Variants in EMC1 observed in about 807,000 individuals in gnomAD.
The protein encoded by EMC1 is KIAA0090.
Under a neutral mutation model 128.8 loss-of-function variants are expected in EMC1, and 103 were observed. That is an observed-to-expected ratio of 0.80 (90% confidence interval 0.68 to 0.94). The LOEUF (loss-of-function observed/expected upper bound fraction) is 0.94, where lower values mean the gene tolerates loss of function less well. Ranked by LOEUF, EMC1 falls within the 40% of genes least tolerant of loss-of-function variation. The pLI, the probability that EMC1 is intolerant of heterozygous loss-of-function variation, is 0.00. For synonymous variants in EMC1, 442 were observed against 490.4 expected (o/e 0.90, Z 1.30); for missense variants, 1,083 against 1,250.6 (o/e 0.87, Z 2.02).
chr1:19,239,186 C>A, intron 9 of EMC1, 45 bp downstream of exon 9: 1 of 1,534,478 alleles, frequency 6.5e-7, no homozygotes, highest in Non-Finnish European at 9.0e-7. Flanking sequence ...TAGTGGAGAC[C>A]AGGAAGGAAA....
intron 18 of EMC1, among the ~76,000 whole-genome samples, chr1:19,226,160 TTAC>T (rs1486259009): frequency 1.3e-5 from 2 of 152,222 alleles, no homozygotes; most frequent in East Asian, 1.9e-4. Flanking sequence ...TTAATGTGCA[TTAC>T]TACTATCATT....
intron 16 of EMC1, 29 bp downstream of exon 16, chr1:19,231,232 A>G: frequency 6.4e-7 from 1 of 1,572,608 alleles, no homozygotes; most frequent in Non-Finnish European, 8.6e-7. Context: ...CTCCGCTAGC[A>G]TGTTCTCCAT....
rs2093403800 is a variant in EMC1, at chr1:19,217,609, G to C, written c.*1694C>G. The C allele has an allele frequency of 6.6e-6, 1 of 152,048 alleles. No individual in the cohort carries two copies. The highest frequency in any genetic ancestry group is 2.4e-5 in the African/African-American group (1 of 41,394). 9.4% of individuals were successfully genotyped at this position (152,048 alleles called of 1,614,324 possible). On this transcript the variant is annotated 3_prime_UTR_variant, in exon 23 of 23. Coordinates refer to ENST00000477853, the MANE Select transcript of EMC1 (RefSeq NM_015047.3). ...AGGACAAATACCTTCCCTCCCAGTAGCTTGTTTCAGATTCTGGCACACTGG... is the reference window on the plus strand; with the variant it reads ...AGGACAAATACCTTCCCTCCCAGTACCTTGTTTCAGATTCTGGCACACTGG...
At chr1:19,247,609 T>C (rs2093637387) in intron 1 of EMC1, among the ~76,000 whole-genome samples, 1 of 152,234 alleles carries the variant, frequency 6.6e-6, no homozygotes, top group Admixed American at 6.5e-5. Context: ...TACTACATAA[T>C]ACTTGACAAT....
In EMC1 at chr1:19,235,343, G is replaced by A. The variant is rs1339183288; in HGVS notation, c.1310-91C>T. The A allele has an allele frequency of 2.2e-6, 3 of 1,356,686 alleles. No homozygotes were observed. In the East Asian group the frequency reaches 7.3e-5, roughly 33 times the overall value. The allele number at this position is 1,356,686 out of a possible 1,614,324, so 84.0% of individuals were successfully genotyped here. ...AGCACTTTGGGAGGCCAAGGTGGGT[G>A]AATCTCTTGAGCCCAGGAATTTGAG... On this transcript the variant is annotated intron_variant, in intron 12 of 22. Coordinates refer to ENST00000477853, the MANE Select transcript of EMC1 (RefSeq NM_015047.3).
At chr1:19,232,202 C>T (rs376217279) in intron 15 of EMC1, among the ~76,000 whole-genome samples, 1 of 152,186 alleles carries the variant, frequency 6.6e-6, no homozygotes. Flanking sequence ...GTGGAGGCTG[C>T]AGTGAGCCGA....
At chr1:19,235,360 GA>G in intron 12 of EMC1, 108 bp from the exon 13 acceptor site, 1 of 1,203,974 alleles carries the variant, frequency 8.3e-7, no homozygotes, top group Non-Finnish European at 1.1e-6. Context: ...TTGAGCCCAG[GA>G]ATTTGAGACC....
intron 12 of EMC1, among the ~76,000 whole-genome samples, chr1:19,236,786 G>A (rs1181610053): frequency 6.6e-6 from 1 of 151,636 alleles, no homozygotes; most frequent in African/African-American, 2.4e-5. Context: ...TGGCCAACAT[G>A]GGGAAACCCT....
intron 18 of EMC1, among the ~76,000 whole-genome samples, chr1:19,225,818 C>CAA (rs34138339): frequency 8.1e-5 from 9 of 110,784 alleles, no homozygotes; most frequent in African/African-American, 1.7e-4. Context: ...GACCCTGTCT[C>CAA]AAAAAAAAAA....
Position 19,251,492 on chromosome 1 carries a change from A to T in EMC1, c.18T>A (p.Ala6=). ...GCGTAGCCCAAAGCCAGAAACGAGA[A>T]GCCCACTCAGCCGCCATGATGCGAG... MAAEW[A]SRFWLWATLL... is the part of the protein sequence containing the mutation. The change falls in exon 1 of 23, where the codon GCT becomes GCA. Residue 6 remains alanine (A), a synonymous_variant. Coordinates refer to ENST00000477853, the MANE Select transcript of EMC1 (RefSeq NM_015047.3). 1 of 1,614,122 alleles carries T rather than the reference A, an allele frequency of 6.2e-7. No individual in the cohort carries two copies. Among genetic ancestry groups the T allele is most frequent in the Non-Finnish European group, 8.5e-7 (1 of 1,180,030 alleles).
In EMC1 at chr1:19,239,241, C is replaced by T. The variant is rs756078343; in HGVS notation, c.1016G>A (p.Arg339Gln). The change falls in exon 9 of 23, where the codon CGG becomes CAG. Residue 339 changes from arginine to glutamine, a missense_variant. By Grantham distance (43) the Arg-to-Gln change is conservative. Transcript: ENST00000477853. Reference protein sequence around the residue: ...EKTVAAVMACRNEVQKSSSSE... With the variant: ...EKTVAAVMACQNEVQKSSSSE... ...GTTCTCAATACTCACCACTTCATTCCGACAGGCCATGACTGCAGCCACCGT... is the reference window on the plus strand; with the variant it reads ...GTTCTCAATACTCACCACTTCATTCTGACAGGCCATGACTGCAGCCACCGT... The T allele has an allele frequency of 1.3e-5, 21 of 1,613,852 alleles. No individual in the cohort carries two copies. Among genetic ancestry groups the T allele is most frequent in the South Asian group, 2.2e-5 (2 of 91,082 alleles).
In EMC1 at chr1:19,219,195, G is replaced by T; in HGVS notation, c.*108C>A. 1 of 1,090,068 alleles carries T rather than the reference G, an allele frequency of 9.2e-7. No individual in the cohort carries two copies. Among genetic ancestry groups the T allele is most frequent in the Non-Finnish European group, 1.4e-6 (1 of 733,230 alleles). 67.5% of individuals were successfully genotyped at this position (1,090,068 alleles called of 1,614,324 possible). On this transcript the variant is annotated 3_prime_UTR_variant, in exon 23 of 23. Transcript: ENST00000477853. ...TCCATCTTCCCTACAGTTCTTAGCTGAGCACTGACACACACACATACTCCA... is the reference window on the plus strand; with the variant it reads ...TCCATCTTCCCTACAGTTCTTAGCTTAGCACTGACACACACACATACTCCA...
intron 1 of EMC1, among the ~76,000 whole-genome samples, chr1:19,245,627 C>CTTTTT (rs539316345): frequency 0.12 from 14,529 of 122,612 alleles, 1,430 homozygotes; most frequent in African/African-American, 0.17. Context: ...CCTTACCTTT[C>CTTTTT]TTTTTTTTTT....
intron 18 of EMC1, among the ~76,000 whole-genome samples, chr1:19,225,886 C>A (rs2093469420): frequency 6.6e-6 from 1 of 151,672 alleles, no homozygotes; most frequent in Admixed American, 6.6e-5. Flanking sequence ...CTATTCTAAT[C>A]ACTTTACATG....
intron 8 of EMC1, 157 bp downstream of exon 8, chr1:19,239,661 G>A (rs909001704): frequency 1.5e-6 from 1 of 685,532 alleles, no homozygotes; most frequent in Admixed American, 2.9e-5. Context: ...CCATTTCTAT[G>A]ATAAGGCTAC....
At chr1:19,239,417 C>A in intron 8 of EMC1, 115 bp from the exon 9 acceptor site, 1 of 852,988 alleles carries the variant, frequency 1.2e-6, no homozygotes. Flanking sequence ...GTGCTCCCCA[C>A]TTTGGAGCAG....
chr1:19,243,875 C>T (rs1014714838), intron 3 of EMC1, 75 bp downstream of exon 3: 2 of 1,540,544 alleles, frequency 1.3e-6, no homozygotes, highest in East Asian at 2.2e-5. Flanking sequence ...CTACCAGACC[C>T]TGTACAGATC....
intron 14 of EMC1, 61 bp downstream of exon 14, chr1:19,232,875 T>C: frequency 6.2e-7 from 1 of 1,606,118 alleles, no homozygotes; most frequent in Non-Finnish European, 8.5e-7. Context: ...ACTGAAGGCT[T>C]TTTGTTCCTC....
At chr1:19,244,774 G>T in intron 2 of EMC1, 132 bp downstream of exon 2, 1 of 941,004 alleles carries the variant, frequency 1.1e-6, no homozygotes, top group Non-Finnish European at 1.6e-6. Flanking sequence ...AAAAAAAAAA[G>T]TATCAGAATC....
Sources: gnomAD v4.1 joint callset for allele counts (sites outside exome capture counted in the v4.1 genomes callset) on GRCh38, gnomAD v4.1.1 for gene constraint, MANE v1.5 for transcripts, NCBI Gene and HGNC (gene_info 2026-07-23, HGNC 2026-07-21) for gene names.